TYW5: variants seen among roughly 807,000 people sequenced by gnomAD.
The protein encoded by TYW5 is tRNA wybutosine-synthesizing protein 5.
A neutral mutation model predicts 44.4 loss-of-function variants in TYW5; 36 were observed. The ratio of observed to expected loss-of-function variants is 0.81; its 90% CI spans 0.62 to 1.07. The LOEUF is 1.07. Ranked by LOEUF, TYW5 falls within the 50% of genes least tolerant of loss-of-function variation. The pLI is 0.00. For synonymous variants in TYW5, 121 were observed against 128.1 expected, an observed-to-expected ratio of 0.94 and a Z score of 0.37; for missense variants, 354 against 365.7, an observed-to-expected ratio of 0.97 and a Z score of 0.26.
At chr2:199,948,585 A>C (rs1438534786) in intron 1 of TYW5, 113 bp from the exon 2 acceptor site, 1 of 1,017,218 alleles carries the variant, frequency 9.8e-7, no homozygotes, top group Non-Finnish European at 1.5e-6. Flanking sequence ...TGCTCCCAAG[A>C]TGCTTGAACT....
chr2:199,948,213 C>G, intron 2 of TYW5, 105 bp downstream of exon 2: 2 of 1,192,480 alleles, frequency 1.7e-6, no homozygotes, highest in Non-Finnish European at 2.4e-6. Flanking sequence ...ATCAAACCAG[C>G]CAAAAGATGA....
intron 3 of TYW5, among the ~76,000 whole-genome samples, chr2:199,940,577 C>A (rs1270724870): frequency 1.3e-5 from 2 of 151,238 alleles, no homozygotes; most frequent in African/African-American, 2.4e-5. Flanking sequence ...TGACACTACA[C>A]TCCAGCTTGG....
In TYW5 at chr2:199,933,291, A is replaced by C; in HGVS notation, c.724T>G (p.Phe242Val). Reference sequence around the variant, plus strand: ...CAAAAGATATTCACTCCCACTCCAAACTCTTCAGAAATTACATTATGGAAC... The same window carrying C: ...CAAAAGATATTCACTCCCACTCCAACCTCTTCAGAAATTACATTATGGAAC... Reference protein sequence around the residue: ...LWFHNVISEEFGVGVNIFWKH... With the variant: ...LWFHNVISEEVGVGVNIFWKH... Residue 242 changes from phenylalanine (F) to valine (V), a missense_variant, in exon 8 of 8, where the codon TTT becomes GTT. Phe to Val is a conservative substitution (Grantham distance 50). Transcript: ENST00000354611. 5 of 1,613,362 alleles carry C rather than the reference A, an allele frequency of 3.1e-6. No individual in the cohort carries two copies. Among genetic ancestry groups the C allele is most frequent in the Non-Finnish European group, 4.2e-6 (5 of 1,179,776 alleles).
Position 199,930,068 on chromosome 2 carries a change from C to T in TYW5, c.*2999G>A, listed in dbSNP as rs544456087. ...CCAGCTCACTGCAACCTGCACCTCC[C>T]AGGCTCAAGTGATCCTCCTATCTTA... On this transcript the variant is annotated 3_prime_UTR_variant, in exon 8 of 8. Coordinates refer to ENST00000354611, the MANE Select transcript of TYW5 (RefSeq NM_001039693.3). 3 of 150,836 alleles carry T rather than the reference C, an allele frequency of 2.0e-5. No individual in the cohort carries two copies. Among genetic ancestry groups the T allele is most frequent in the African/African-American group, 7.3e-5 (3 of 40,858 alleles). The allele number at this position is 150,836 out of a possible 1,614,324, so 9.3% of individuals were successfully genotyped here. A position where few individuals can be genotyped will look rare whatever the true frequency, so the allele number is the denominator to read the frequency against.
chr2:199,942,342 C>G (rs2105701377), intron 3 of TYW5: 1 of 152,458 alleles, frequency 6.6e-6, no homozygotes, highest in South Asian at 2.1e-4. Context: ...GCTGGGATTA[C>G]AGGCGTGAGC....
rs2077382259 is a variant in TYW5 at position 199,932,028 on chromosome 2, ATT to A, written c.*1037_*1038del. 1 of 151,746 alleles carries A rather than the reference ATT, an allele frequency of 6.6e-6. No homozygotes were observed. The highest frequency in any genetic ancestry group is 1.5e-5 in the Non-Finnish European group (1 of 67,930). The allele number at this position is 151,746 out of a possible 1,614,324, so 9.4% of individuals were successfully genotyped here. ...TAAGGTTTAGACATAGGTATAAATTATTTATTTTGTAACATTCAAAAACCAAA... is the reference window on the plus strand; with the variant it reads ...TAAGGTTTAGACATAGGTATAAATTATATTTTGTAACATTCAAAAACCAAA... On this transcript the variant is annotated 3_prime_UTR_variant, in exon 8 of 8. Coordinates refer to ENST00000354611, the MANE Select transcript of TYW5 (RefSeq NM_001039693.3).
At chr2:199,948,169 C>A in intron 2 of TYW5, 149 bp downstream of exon 2, 1 of 705,218 alleles carries the variant, frequency 1.4e-6, no homozygotes, top group Non-Finnish European at 2.3e-6. Context: ...TTAAAAACCA[C>A]TCTTTAAAAA....
intron 2 of TYW5, chr2:199,945,370 G>C (rs567422931): frequency 2.6e-5 from 4 of 152,334 alleles, no homozygotes; most frequent in African/African-American, 7.2e-5. Context: ...ATTGGTGGGT[G>C]CTCTGTATGT....
In TYW5 at chr2:199,931,095, T is replaced by C. The variant is rs1199091662; in HGVS notation, c.*1972A>G. The C allele has an allele frequency of 6.6e-6, 1 of 152,148 alleles. No individual in the cohort carries two copies. The highest frequency in any genetic ancestry group is 1.5e-5 in the Non-Finnish European group (1 of 68,036). 9.4% of individuals were successfully genotyped at this position (152,148 alleles called of 1,614,324 possible). A position where few individuals can be genotyped will look rare whatever the true frequency, so the allele number is the denominator to read the frequency against. ...CATCCCAAAGGAAAGTTCTCTAACT[T>C]TTAAAATATTATAAATTAATACTGC... On this transcript the variant is annotated 3_prime_UTR_variant, in exon 8 of 8. Coordinates refer to ENST00000354611, the MANE Select transcript of TYW5 (RefSeq NM_001039693.3).
chr2:199,935,754 A>G (rs986168641), intron 7 of TYW5, among the ~76,000 whole-genome samples, 177 bp downstream of exon 7: 3 of 142,094 alleles, frequency 2.1e-5, no homozygotes, highest in South Asian at 2.3e-4. Flanking sequence ...ACACACACAC[A>G]CACACACACA....
Position 199,933,244 on chromosome 2 carries a change from G to A in TYW5, c.771C>T (p.Cys257=). Residue 257 remains cysteine (C), a synonymous_variant, in exon 8 of 8, where the codon TGC becomes TGT. Transcript: ENST00000354611. ...NIFWKHLPSE[C]YDKTDTYGNK... ...TTCCATAGGTATCTGTTTTATCATA[G>A]CATTCAGATGGAAGGTGCTTCCAAA... The A allele has an allele frequency of 6.2e-7, 1 of 1,613,938 alleles. No homozygotes were observed.
At chr2:199,938,653 T>TG (rs1356219461) in intron 5 of TYW5, among the ~76,000 whole-genome samples, 3 of 151,894 alleles carry the variant, frequency 2.0e-5, no homozygotes, top group African/African-American at 7.3e-5. Flanking sequence ...ATTTTTCACA[T>TG]GGAAAAAAAA....
chr2:199,930,526 T>A lies in TYW5; in HGVS notation c.*2541A>T, dbSNP rs185969780. On this transcript the variant is annotated 3_prime_UTR_variant, in exon 8 of 8. Coordinates refer to ENST00000354611, the MANE Select transcript of TYW5 (RefSeq NM_001039693.3). ...TTTTACCATGTTGGCCAGAATGGTCTTGATCTGACCTCGTGATCTGCCCAC... is the reference window on the plus strand; with the variant it reads ...TTTTACCATGTTGGCCAGAATGGTCATGATCTGACCTCGTGATCTGCCCAC... The A allele has an allele frequency of 7.9e-5, 12 of 152,392 alleles. No individual in the cohort carries two copies. The highest frequency in any genetic ancestry group is 2.9e-4 in the African/African-American group (12 of 41,570). 9.4% of individuals were successfully genotyped at this position (152,392 alleles called of 1,614,324 possible).
At chr2:199,947,035 A>T (rs928833635) in intron 2 of TYW5, 10 of 152,334 alleles carry the variant, frequency 6.6e-5, no homozygotes, top group Admixed American at 5.9e-4. Context: ...GGCATTTTTA[A>T]TTTGATAAAA....
chr2:199,951,722 T>TTCATAAA (rs2077546301), intron 1 of TYW5, among the ~76,000 whole-genome samples: 2 of 151,978 alleles, frequency 1.3e-5, no homozygotes, highest in South Asian at 4.1e-4. Flanking sequence ...TTTTAAAAAA[T>TTCATAAA]TCATAAATAT....
chr2:199,933,129 A>C lies in TYW5; in HGVS notation c.886T>G (p.Phe296Val). 6.2e-7 allele frequency: 1 copy of C among 1,614,164 alleles called. No individual in the cohort carries two copies. The highest frequency in any genetic ancestry group is 8.5e-7 in the Non-Finnish European group (1 of 1,180,018). The change falls in exon 8 of 8, where the codon TTC becomes GTC. Residue 296 changes from phenylalanine (F) to valine (V), a missense_variant. By Grantham distance (50) the Phe-to-Val change is conservative. Transcript: ENST00000354611. ...LAELPEEYRD[F>V]YARRMVLHIQ... ...TGTAGGACCATTCGTCGTGCATAGA[A>C]GTCCCTATATTCCTCTGGTAACTCG...
intron 3 of TYW5, among the ~76,000 whole-genome samples, chr2:199,941,773 A>C (rs1340261807): frequency 6.6e-6 from 1 of 152,224 alleles, no homozygotes; most frequent in Non-Finnish European, 1.5e-5. Flanking sequence ...AAGGAGTGTG[A>C]TTAGCTTAGA....
chr2:199,936,498 G>T lies in TYW5; in HGVS notation c.487-6C>A. ...ATTAACAAATTATCCATTACCTGAA[G>T]ACCAATAAAAGCTTATGGGTAATCA... On this transcript the variant is annotated splice_polypyrimidine_tract_variant and splice_region_variant and intron_variant, in intron 5 of 7. Coordinates refer to ENST00000354611, the MANE Select transcript of TYW5 (RefSeq NM_001039693.3). 1 of 1,610,142 alleles carries T rather than the reference G, an allele frequency of 6.2e-7. No individual in the cohort carries two copies. The highest frequency in any genetic ancestry group is 8.5e-7 in the Non-Finnish European group (1 of 1,177,716).
intron 6 of TYW5, 23 bp downstream of exon 6, chr2:199,936,382 T>G (rs1219484594): frequency 1.3e-6 from 2 of 1,589,858 alleles, no homozygotes; most frequent in Non-Finnish European, 8.6e-7. Flanking sequence ...TTTTGAAATA[T>G]AAACTTAAAA....
Sources: allele counts gnomAD v4.1 joint callset (sites outside exome capture counted in the v4.1 genomes callset), GRCh38; gene constraint gnomAD v4.1.1; transcripts MANE v1.5; gene names NCBI Gene and HGNC (gene_info 2026-07-23, HGNC 2026-07-21).